The following ZSCAN25 variants were observed in gnomAD, a reference collection of about 807,000 sequenced individuals.
ZSCAN25 encodes zinc finger and SCAN domain-containing protein 25.
ZSCAN25 carries 27 observed loss-of-function variants against 38.7 expected under a neutral mutation model. That is an observed-to-expected ratio of 0.70 (90% confidence interval 0.51 to 0.96). The LOEUF (loss-of-function observed/expected upper bound fraction) is 0.96. Among genes scored for constraint, ZSCAN25 ranks in the 40% least tolerant of loss-of-function variants. The pLI is 0.00. For missense variants in ZSCAN25, 637 were observed against 705.9 expected (o/e 0.90, Z 1.11); for synonymous variants, 273 against 277.7 (o/e 0.98, Z 0.17).
the ZSCAN25 span, among the ~76,000 whole-genome samples, chr7:99,695,001 AT>A: frequency 2.0e-5 from 3 of 152,116 alleles, no homozygotes; most frequent in Non-Finnish European, 4.4e-5. Flanking sequence ...AAAACCACAA[AT>A]TCATTTTATG....
At chr7:99,637,785 A>G in the ZSCAN25 span, among the ~76,000 whole-genome samples, 1 of 152,238 alleles carries the variant, frequency 6.6e-6, no homozygotes, top group African/African-American at 2.4e-5. Flanking sequence ...TGATTAAGCA[A>G]TAATTTTCAG....
At chr7:99,688,427 G>A in the ZSCAN25 span, among the ~76,000 whole-genome samples, 3 of 152,206 alleles carry the variant, frequency 2.0e-5, no homozygotes, top group Admixed American at 1.3e-4. Context: ...GACAAAGAAG[G>A]CCATTACATA....
the ZSCAN25 span, among the ~76,000 whole-genome samples, chr7:99,651,314 ATATGGATT>A: frequency 2.2e-4 from 33 of 152,342 alleles, no homozygotes; most frequent in South Asian, 6.4e-3. Flanking sequence ...TATGTAAATC[ATATGGATT>A]TATGGATTTA....
chr7:99,717,503 T>C, the ZSCAN25 span: 4 of 1,612,990 alleles, frequency 2.5e-6, no homozygotes, highest in African/African-American at 5.3e-5. Flanking sequence ...AGTTTCTAAT[T>C]AAAACCCAAG....
the ZSCAN25 span, among the ~76,000 whole-genome samples, chr7:99,689,494 A>G: frequency 2.0e-5 from 3 of 152,228 alleles, no homozygotes; most frequent in Non-Finnish European, 4.4e-5. Flanking sequence ...GAATAGACCA[A>G]TAACAGGCTC....
At chr7:99,685,291 T>C in the ZSCAN25 span, 1 of 1,606,608 alleles carries the variant, frequency 6.2e-7, no homozygotes, top group African/African-American at 1.3e-5. Context: ...AATTAGAAAC[T>C]GTAGCATCAA....
At chr7:99,710,838 T>C in the ZSCAN25 span, 1 of 1,613,830 alleles carries the variant, frequency 6.2e-7, no homozygotes, top group Non-Finnish European at 8.5e-7. Context: ...CGTGGTTTCA[T>C]AGCCAGCAAA....
At chr7:99,646,160 T>C in the ZSCAN25 span, among the ~76,000 whole-genome samples, 2 of 152,204 alleles carry the variant, frequency 1.3e-5, no homozygotes, top group African/African-American at 4.8e-5. Flanking sequence ...ATGTCATTGG[T>C]ATTTTGATAG....
the ZSCAN25 span, chr7:99,650,093 T>C: frequency 6.2e-7 from 1 of 1,614,154 alleles, no homozygotes; most frequent in East Asian, 2.2e-5. Context: ...TTACAAGGTT[T>C]GAAGGAGAAG....
At chr7:99,700,840 A>T in the ZSCAN25 span, among the ~76,000 whole-genome samples, 1 of 152,308 alleles carries the variant, frequency 6.6e-6, no homozygotes, top group East Asian at 1.9e-4. Context: ...GGTGATAGCA[A>T]TAGACTAATG....
the ZSCAN25 span, chr7:99,676,684 G>T: frequency 3.3e-6 from 2 of 605,632 alleles, no homozygotes; most frequent in Non-Finnish European, 5.7e-6. Flanking sequence ...TGGTGACACT[G>T]CCCTTACAAT....
At chr7:99,685,070 G>A in the ZSCAN25 span, 3 of 1,144,022 alleles carry the variant, frequency 2.6e-6, no homozygotes, top group South Asian at 2.5e-5. Context: ...TATTCACAAA[G>A]TAATTTGAGG....
At chr7:99,710,126 A>G in the ZSCAN25 span, among the ~76,000 whole-genome samples, 3 of 152,338 alleles carry the variant, frequency 2.0e-5, no homozygotes, top group Admixed American at 6.5e-5. Flanking sequence ...CCCAAAAGCC[A>G]TGTCTCTTCA....
chr7:99,645,727 T>A, the ZSCAN25 span, among the ~76,000 whole-genome samples: 1 of 152,220 alleles, frequency 6.6e-6, no homozygotes, highest in Non-Finnish European at 1.5e-5. Flanking sequence ...TTTTTTTTTA[T>A]ATGATTGTCG....
At chr7:99,686,177 G>A in the ZSCAN25 span, among the ~76,000 whole-genome samples, 3 of 152,176 alleles carry the variant, frequency 2.0e-5, no homozygotes, top group African/African-American at 4.8e-5. Context: ...TGGGTGCAGC[G>A]TGCTGTGCAC....
At chr7:99,691,962 A>G in the ZSCAN25 span, among the ~76,000 whole-genome samples, 5 of 152,164 alleles carry the variant, frequency 3.3e-5, no homozygotes, top group Non-Finnish European at 5.9e-5. Context: ...TATTTTGCCC[A>G]TTAATTGATG....
At chr7:99,663,893 C>G in the ZSCAN25 span, 1 of 1,485,694 alleles carries the variant, frequency 6.7e-7, no homozygotes, top group East Asian at 2.5e-5. Flanking sequence ...AATACAGATA[C>G]ATGCTCTATC....
the ZSCAN25 span, among the ~76,000 whole-genome samples, chr7:99,688,500 A>T: frequency 9.2e-5 from 14 of 152,360 alleles, no homozygotes; most frequent in East Asian, 2.7e-3. Flanking sequence ...CACCCAATAC[A>T]GGAGCACCCA....
the ZSCAN25 span, among the ~76,000 whole-genome samples, chr7:99,686,139 G>T: frequency 9.9e-5 from 15 of 152,168 alleles, no homozygotes; most frequent in Admixed American, 6.5e-5. Context: ...ATCTCACTAG[G>T]GAGTGCCAGA....
Sources: allele counts gnomAD v4.1 joint callset (sites outside exome capture counted in the v4.1 genomes callset), GRCh38; gene constraint gnomAD v4.1.1; transcripts MANE v1.5; gene names NCBI Gene and HGNC (gene_info 2026-07-23, HGNC 2026-07-21).